DNTT: variants seen among roughly 807,000 people sequenced by gnomAD.
DNTT encodes the protein DNA nucleotidylexotransferase.
In DNTT, 47 loss-of-function variants were observed where a neutral mutation model predicts 60.9. The observed-to-expected ratio is 0.77, with a 90% CI of 0.61 to 0.98. The LOEUF (loss-of-function observed/expected upper bound fraction) is 0.98. DNTT is among the 50% of genes least tolerant of loss of function. The pLI is 0.00. For missense variants in DNTT, 665 were observed against 627.5 expected, an observed-to-expected ratio of 1.06 and a Z score of -0.64; for synonymous variants, 224 against 221.2, an observed-to-expected ratio of 1.01 and a Z score of -0.11.
intron 4 of DNTT, among the ~76,000 whole-genome samples, chr10:96,321,938 T>C (rs1451695469): frequency 1.3e-5 from 2 of 152,196 alleles, no homozygotes; most frequent in African/African-American, 2.4e-5. Context: ...CATACTGTTA[T>C]TAATCACAGT....
intron 1 of DNTT, among the ~76,000 whole-genome samples, chr10:96,314,232 C>T (rs1028616096): frequency 6.6e-6 from 1 of 151,982 alleles, no homozygotes; most frequent in Non-Finnish European, 1.5e-5. Flanking sequence ...AGATGTTACT[C>T]CCTCTGCAAC....
In DNTT at chr10:96,304,677, G is replaced by T. The variant is rs1408898186; in HGVS notation, c.180G>T (p.Gly60=). 1 of 1,614,066 alleles carries T rather than the reference G, an allele frequency of 6.2e-7. No individual in the cohort carries two copies. The highest frequency in any genetic ancestry group is 1.7e-5 in the Admixed American group (1 of 60,030). Residue 60 remains glycine, a synonymous_variant, in exon 1 of 11, where the codon GGG becomes GGT. Transcript: ENST00000371174. ...AFLMELARRK[G]FRVENELSDS... ...TCATGGAGCTGGCCCGCAGGAAAGG[G>T]TTCAGGGTTGAAAATGAGCTCAGGT...
At chr10:96,329,815 C>A (rs1042331270) in intron 8 of DNTT, among the ~76,000 whole-genome samples, 1 of 152,160 alleles carries the variant, frequency 6.6e-6, no homozygotes, top group South Asian at 2.1e-4. Flanking sequence ...AGCCTTGCAA[C>A]CCTCCTCAGA....
chr10:96,322,679 G>T lies in DNTT; in HGVS notation c.701G>T (p.Ser234Ile). 6.2e-7 allele frequency: 1 copy of T among 1,603,132 alleles called. No homozygotes were observed. Among genetic ancestry groups the T allele is most frequent in the Non-Finnish European group, 8.5e-7 (1 of 1,171,980 alleles). ...IIEEIIEDGE[S>I]SEVKAVLNDE... ...TAGGAGATTATTGAAGATGGAGAAA[G>T]TTCTGAAGTTAAAGCTGTGTTAAAT... Residue 234 changes from serine (S) to isoleucine (I), a missense_variant, in exon 5 of 11, where the codon AGT becomes ATT. Transcript: ENST00000371174.
chr10:96,336,684 C>T (rs1845073716), intron 10 of DNTT, among the ~76,000 whole-genome samples: 1 of 152,114 alleles, frequency 6.6e-6, no homozygotes, highest in Non-Finnish European at 1.5e-5. Flanking sequence ...CAGTGGCTCA[C>T]GTCTGTAATC....
chr10:96,306,963 C>T (rs1031353122), intron 1 of DNTT, among the ~76,000 whole-genome samples: 1 of 152,104 alleles, frequency 6.6e-6, no homozygotes, highest in Admixed American at 6.5e-5. Context: ...ATTTAGAAAC[C>T]TCAAATCCTG....
In DNTT at chr10:96,338,146, C is replaced by G; in HGVS notation, c.1452C>G (p.Phe484Leu). The G allele has an allele frequency of 6.2e-7, 1 of 1,612,896 alleles. No homozygotes were observed. The highest frequency in any genetic ancestry group is 8.5e-7 in the Non-Finnish European group (1 of 1,179,686). Residue 484 changes from phenylalanine to leucine, a missense_variant, in exon 11 of 11, where the codon TTC becomes TTG. Phe to Leu is a conservative substitution (Grantham distance 22). Coordinates refer to ENST00000371174, the MANE Select transcript of DNTT (RefSeq NM_004088.4). The stretch of plus-strand genomic sequence containing the variant: ...TCTTGTTATGTTTTCAGAGGATATT[C>G]CTCAAAGCAGAAAGTGAAGAAGAAA... ...HALYDKTKRI[F>L]LKAESEEEIF...
At chr10:96,323,897 G>A (rs1209549169) in intron 5 of DNTT, among the ~76,000 whole-genome samples, 2 of 152,120 alleles carry the variant, frequency 1.3e-5, no homozygotes, top group Non-Finnish European at 2.9e-5. Context: ...AAATGTGAGG[G>A]TACCTATGCA....
At chr10:96,312,009 A>G (rs777605614) in intron 1 of DNTT, among the ~76,000 whole-genome samples, 2 of 152,238 alleles carry the variant, frequency 1.3e-5, no homozygotes, top group Non-Finnish European at 2.9e-5. Flanking sequence ...GTTCTAAGGA[A>G]TAATATCCAT....
At chr10:96,318,311 G>A in intron 1 of DNTT, 41 bp from the exon 2 acceptor site, 1 of 1,575,862 alleles carries the variant, frequency 6.3e-7, no homozygotes, top group East Asian at 2.3e-5. Flanking sequence ...TTCTGATTTT[G>A]AAAGATGTTT....
At chr10:96,311,301 T>C (rs1844711341) in intron 1 of DNTT, among the ~76,000 whole-genome samples, 1 of 152,224 alleles carries the variant, frequency 6.6e-6, no homozygotes, top group Admixed American at 6.5e-5. Flanking sequence ...GAATCAGGAA[T>C]GACCTCTCCC....
Position 96,324,646 on chromosome 10 carries a change from A to C in DNTT, c.874+257A>C, listed in dbSNP as rs941995. ...GATACTTAGCTGAGAAGTCAATCAGATAATGCAGGCAATGCCTCAGCACTG... is the reference window on the plus strand; with the variant it reads ...GATACTTAGCTGAGAAGTCAATCAGCTAATGCAGGCAATGCCTCAGCACTG... On this transcript the variant is annotated intron_variant, in intron 6 of 10. Transcript: ENST00000371174. Among the ~76,000 whole-genome samples, 3 of 152,192 alleles carry C rather than the reference A, an allele frequency of 2.0e-5. No individual in the cohort carries two copies. The South Asian group carries it at 6.2e-4, about 31-fold the overall frequency.
At chr10:96,324,745 T>C (rs745390943) in intron 6 of DNTT, among the ~76,000 whole-genome samples, 43 of 152,326 alleles carry the variant, frequency 2.8e-4, no homozygotes, top group South Asian at 8.3e-4. Flanking sequence ...AGCCAGGTTG[T>C]GCTGCTGATC....
intron 1 of DNTT, among the ~76,000 whole-genome samples, chr10:96,312,063 A>G (rs1844726936): frequency 6.6e-6 from 1 of 152,254 alleles, no homozygotes; most frequent in South Asian, 2.1e-4. Flanking sequence ...ACAGATATAA[A>G]TAAACACATA....
chr10:96,307,111 CAGTT>C (rs1232557851), intron 1 of DNTT, among the ~76,000 whole-genome samples: 2 of 152,154 alleles, frequency 1.3e-5, no homozygotes, highest in Non-Finnish European at 2.9e-5. Context: ...TAAATTAAAA[CAGTT>C]AGACAAATGT....
intron 1 of DNTT, among the ~76,000 whole-genome samples, chr10:96,309,631 C>A (rs1374997540): frequency 6.6e-6 from 1 of 152,284 alleles, no homozygotes; most frequent in East Asian, 1.9e-4. Context: ...AAACCATCGC[C>A]TCCAAAAGTC....
intron 10 of DNTT, among the ~76,000 whole-genome samples, chr10:96,337,248 C>G (rs1404321905): frequency 6.6e-6 from 1 of 152,162 alleles, no homozygotes; most frequent in Non-Finnish European, 1.5e-5. Flanking sequence ...AGAATCCTAC[C>G]TGATGCTCAT....
In DNTT at chr10:96,335,949, A is replaced by C. The variant is rs759011605; in HGVS notation, c.1418A>C (p.Asn473Thr). The C allele has an allele frequency of 6.2e-7, 1 of 1,614,214 alleles. No homozygotes were observed. The highest frequency in any genetic ancestry group is 8.5e-7 in the Non-Finnish European group (1 of 1,180,020). The part of the protein sequence containing the change: ...ATHERKMILD[N>T]HALYDKTKRI... ...CATGAGCGGAAGATGATTCTGGATA[A>C]CCATGCTTTATATGACAAGACCAAG... Residue 473 changes from asparagine to threonine, a missense_variant, in exon 10 of 11, where the codon AAC becomes ACC. Asn to Thr is a moderately conservative substitution (Grantham distance 65). Transcript: ENST00000371174.
At chr10:96,321,772 T>C (rs1007459393) in intron 4 of DNTT, among the ~76,000 whole-genome samples, 1 of 152,148 alleles carries the variant, frequency 6.6e-6, no homozygotes, top group Non-Finnish European at 1.5e-5. Context: ...CTGACATTCC[T>C]GGTTTGGAGG....
Sources: allele counts gnomAD v4.1 joint callset (sites outside exome capture counted in the v4.1 genomes callset), GRCh38; gene constraint gnomAD v4.1.1; transcripts MANE v1.5; gene names NCBI Gene and HGNC (gene_info 2026-07-23, HGNC 2026-07-21).